Variants in FHAD1 observed in about 807,000 individuals in gnomAD.
FHAD1 encodes forkhead-associated domain-containing protein 1.
Under a neutral mutation model 191.3 loss-of-function variants are expected in FHAD1, and 146 were observed. That is an observed-to-expected ratio of 0.76 (90% confidence interval 0.67 to 0.88). The LOEUF (loss-of-function observed/expected upper bound fraction) is 0.88, where lower values mean the gene tolerates loss of function less well. Ranked by LOEUF, FHAD1 falls within the 40% of genes least tolerant of loss-of-function variation. The probability of loss-of-function intolerance (pLI) is 0.00; values close to 1 mark genes in which losing one functional copy is unlikely to be tolerated. For missense variants in FHAD1, 1,635 were observed against 1,785.8 expected, an observed-to-expected ratio of 0.92 and a Z score of 1.52; for synonymous variants, 616 against 672.3, an observed-to-expected ratio of 0.92 and a Z score of 1.29.
In FHAD1 at chr1:15,328,379, G is replaced by T; in HGVS notation, c.1660G>T (p.Glu554Ter). 1.3e-6 allele frequency: 2 copies of T among 1,546,494 alleles called. No homozygotes were observed. Among genetic ancestry groups the T allele is most frequent in the Non-Finnish European group, 1.7e-6 (2 of 1,145,144 alleles). ...CCAGCTGAGCAACTCCAAGCAGGAG[G>T]AGACCACCGAGAACATCGAGAAGCT... Reference protein sequence around the residue: ...ETQLSNSKQEETTENIEKLRT... With the variant: ...ETQLSNSKQE Residue 554 changes from glutamate (E) to a stop codon, truncating the protein, a stop_gained, in exon 13 of 34, where the codon GAG becomes TAG. Transcript: ENST00000688493. LOFTEE classifies it high-confidence loss of function.
At chr1:15,395,130 G>A (rs1705491257) in intron 33 of FHAD1, among the ~76,000 whole-genome samples, 1 of 151,982 alleles carries the variant, frequency 6.6e-6, no homozygotes, top group Non-Finnish European at 1.5e-5. Flanking sequence ...TGGCTAACAT[G>A]GTGAAACCCC....
At chr1:15,285,577 A>T (rs1662148470) in intron 3 of FHAD1, among the ~76,000 whole-genome samples, 1 of 151,482 alleles carries the variant, frequency 6.6e-6, no homozygotes, top group African/African-American at 2.4e-5. Context: ...TTTTTTTTTT[A>T]ACTGAAAGAG....
rs374321223 is a variant in FHAD1 at position 15,358,163 on chromosome 1, C to T, written c.2616C>T (p.Asp872=). Residue 872 remains aspartate, a synonymous_variant, in exon 21 of 34, where the codon GAC becomes GAT. Transcript: ENST00000688493. Reference sequence around the variant, plus strand: ...ACGTTTTAAATAATAAATTAAGTGACGCACTGGCCATGGTTGAAGAGACTC... The same window carrying T: ...ACGTTTTAAATAATAAATTAAGTGATGCACTGGCCATGGTTGAAGAGACTC... ...KEDVLNNKLS[D]ALAMVEETQK... is the part of the protein sequence containing the mutation. 2.1e-4 allele frequency: 324 copies of T among 1,528,288 alleles called. No homozygotes were observed. The African/African-American group carries it at 4.0e-3, about 19-fold the overall frequency. 94.7% of individuals were successfully genotyped at this position (1,528,288 alleles called of 1,614,324 possible).
In FHAD1 at chr1:15,267,156, G is replaced by A. The variant is rs78757008; in HGVS notation, c.94-5167G>A. Among the ~76,000 whole-genome samples the A allele has an allele frequency of 4.0e-4, 61 of 152,302 alleles. No homozygotes were observed. The East Asian group carries it at 0.01, about 26-fold the overall frequency. ...ATATACAGATGGCAAATAAGCATAT[G>A]AAAAGATTTTAACCATCATATTTCA... On this transcript the variant is annotated intron_variant, in intron 2 of 33. Transcript: ENST00000688493.
At position 15,360,639 on chromosome 1, in the gene FHAD1, G is replaced by T. The variant is rs893124103; in HGVS notation, c.2898G>T (p.Gln966His). 1 of 1,551,854 alleles carries T rather than the reference G, an allele frequency of 6.4e-7. No homozygotes were observed. The highest frequency in any genetic ancestry group is 1.4e-5 in the African/African-American group (1 of 73,042). The change falls in exon 22 of 34, where the codon CAG (glutamine) becomes CAT (histidine). Residue 966 changes from glutamine (Q) to histidine (H), a missense_variant. Transcript: ENST00000688493. The part of the protein sequence containing the change: ...QTIVSLEEKL[Q>H]KVTQHHKKIE... ...TTGTGAGCCTCGAAGAGAAACTCCA[G>T]AAAGTCACTCAGCACCATAAAAAAA...
chr1:15,243,179 C>G (rs1416255079), upstream of FHAD1, among the ~76,000 whole-genome samples: 1 of 152,182 alleles, frequency 6.6e-6, no homozygotes, highest in Non-Finnish European at 1.5e-5. Flanking sequence ...TTTTCTGCCA[C>G]GGGAAAAGGC....
chr1:15,398,589 G>A (rs1570732580), downstream of FHAD1, among the ~76,000 whole-genome samples: 4 of 152,136 alleles, frequency 2.6e-5, no homozygotes, highest in Middle Eastern at 6.8e-3. Flanking sequence ...TGGCCTAGTT[G>A]TTACAGTCCC....
chr1:15,284,487 A>AAAG, intron 3 of FHAD1, among the ~76,000 whole-genome samples: 1 of 151,584 alleles, frequency 6.6e-6, no homozygotes, highest in Middle Eastern at 3.4e-3. Context: ...TCAAAAAAAA[A>AAAG]AAAAAAAAAT....
intron 2 of FHAD1, among the ~76,000 whole-genome samples, chr1:15,269,623 G>A (rs767432541): frequency 1.3e-5 from 2 of 152,306 alleles, no homozygotes; most frequent in South Asian, 2.1e-4. Flanking sequence ...CAAGAAGAAC[G>A]TGCACCTTGT....
intron 33 of FHAD1, among the ~76,000 whole-genome samples, chr1:15,392,306 G>A (rs1036728185): frequency 6.6e-6 from 1 of 152,224 alleles, no homozygotes; most frequent in Admixed American, 6.5e-5. Context: ...GCCAAGGCGG[G>A]CGGATCACGA....
chr1:15,353,939 G>A (rs373537082), intron 20 of FHAD1, among the ~76,000 whole-genome samples: 3 of 152,094 alleles, frequency 2.0e-5, no homozygotes, highest in African/African-American at 7.2e-5. Flanking sequence ...ATAAGCAATA[G>A]GGCATAATTC....
chr1:15,247,914 C>T (rs1302569159), intron 1 of FHAD1, among the ~76,000 whole-genome samples: 2 of 152,164 alleles, frequency 1.3e-5, no homozygotes, highest in African/African-American at 2.4e-5. Flanking sequence ...ATGGTCGGTG[C>T]CCTGTGTCTT....
chr1:15,248,221 TG>T (rs1646337759), intron 1 of FHAD1, among the ~76,000 whole-genome samples: 1 of 152,116 alleles, frequency 6.6e-6, no homozygotes, highest in Non-Finnish European at 1.5e-5. Context: ...ATGGCAGCGC[TG>T]GGGGCCAGAG....
chr1:15,243,303 T>C (rs1645610203), upstream of FHAD1, among the ~76,000 whole-genome samples: 1 of 152,196 alleles, frequency 6.6e-6, no homozygotes, highest in African/African-American at 2.4e-5. Flanking sequence ...TCTAAGCTTA[T>C]ATGGTCAGGT....
chr1:15,340,855 A>G (rs989983453), intron 15 of FHAD1, among the ~76,000 whole-genome samples: 3 of 152,180 alleles, frequency 2.0e-5, no homozygotes, highest in Non-Finnish European at 4.4e-5. Flanking sequence ...ATATGTAAGC[A>G]ATGGACATGA....
intron 2 of FHAD1, among the ~76,000 whole-genome samples, chr1:15,257,872 C>T (rs1272262240): frequency 6.6e-6 from 1 of 152,132 alleles, no homozygotes; most frequent in Non-Finnish European, 1.5e-5. Flanking sequence ...GAGTCTCGCT[C>T]GCTCTGTCAC....
intron 8 of FHAD1, 107 bp downstream of exon 8, chr1:15,313,294 T>G: frequency 2.4e-6 from 2 of 826,442 alleles, no homozygotes; most frequent in Non-Finnish European, 3.2e-6. Flanking sequence ...AGTTTAAATT[T>G]CATTCCTTCC....
At chr1:15,256,544 C>A (rs190117039) in intron 2 of FHAD1, among the ~76,000 whole-genome samples, 1 of 149,514 alleles carries the variant, frequency 6.7e-6, no homozygotes, top group Non-Finnish European at 1.5e-5. Flanking sequence ...TCCCAGCTAC[C>A]TGGGAGCCTG....
chr1:15,247,913 G>A (rs901660213), intron 1 of FHAD1, among the ~76,000 whole-genome samples: 1 of 152,190 alleles, frequency 6.6e-6, no homozygotes, highest in African/African-American at 2.4e-5. Context: ...CATGGTCGGT[G>A]CCCTGTGTCT....
Sources: gnomAD v4.1 joint callset for allele counts (sites outside exome capture counted in the v4.1 genomes callset) on GRCh38, gnomAD v4.1.1 for gene constraint, MANE v1.5 for transcripts, NCBI Gene and HGNC (gene_info 2026-07-23, HGNC 2026-07-21) for gene names.